The following CD37 variants were observed in gnomAD, a reference collection of about 807,000 sequenced individuals.
CD37 encodes CD37 molecule.
In CD37, 37 loss-of-function variants were observed where a neutral mutation model predicts 38.9. That is an observed-to-expected ratio of 0.95 (90% confidence interval 0.73 to 1.25). CD37 has a LOEUF of 1.25. CD37 is among the 50% of genes most tolerant of loss of function. The pLI is 0.00. For missense variants in CD37, 351 were observed against 360.1 expected, an observed-to-expected ratio of 0.97 and a Z score of 0.20; for synonymous variants, 146 against 150.1, an observed-to-expected ratio of 0.97 and a Z score of 0.20.
chr19:49,339,104 G>C lies in CD37; in HGVS notation c.684+168G>C, dbSNP rs1971084522. On this transcript the variant is annotated intron_variant, in intron 6 of 7. Transcript: ENST00000323906. This position sits in a 1 kb window ranked among gnomAD's most constrained non-coding sequence, Gnocchi z 4.5. ...GGGGGCGGGGTCTGCAGGAAGGGCAGGGCCTAAAGAAAAGGCTGGGCTGGC... is the reference window on the plus strand; with the variant it reads ...GGGGGCGGGGTCTGCAGGAAGGGCACGGCCTAAAGAAAAGGCTGGGCTGGC... 6.6e-6 allele frequency among the ~76,000 whole-genome samples: 1 copy of C among 152,228 alleles called. No homozygotes were observed. The highest frequency in any genetic ancestry group is 3.4e-3 in the Middle Eastern group (1 of 294).
Position 49,339,563 on chromosome 19 carries a change from G to C in CD37, c.768+150G>C. On this transcript the variant is annotated intron_variant, in intron 7 of 7. Transcript: ENST00000323906. The surrounding 1 kb of genome is among the most constrained non-coding windows in gnomAD (Gnocchi z 4.5). ...TCCCGCCGCTCCACCCAGCACCGGA[G>C]GGTGGGGGCGGCCCAGCTTCAGGGA... 1 of 1,464,530 alleles carries C rather than the reference G, an allele frequency of 6.8e-7. No homozygotes were observed. The highest frequency in any genetic ancestry group is 9.0e-7 in the Non-Finnish European group (1 of 1,107,776). The allele number at this position is 1,464,530 out of a possible 1,614,324, so 90.7% of individuals were successfully genotyped here.
chr19:49,340,153 T>TAAA, intron 7 of CD37, 98 bp from the exon 8 acceptor site: 1 of 1,510,138 alleles, frequency 6.6e-7, no homozygotes, highest in Non-Finnish European at 9.1e-7. Flanking sequence ...CCCGCCCAAT[T>TAAA]CACGGCCCCA....
rs775337793 is a variant in CD37 at position 49,339,499 on chromosome 19, A to T, written c.768+86A>T. ...ATTTCGCGTCCTTCGGTTGCCTGGGAAGGACGAGCTCAGGGCGGAGCGCAG... is the reference window on the plus strand; with the variant it reads ...ATTTCGCGTCCTTCGGTTGCCTGGGTAGGACGAGCTCAGGGCGGAGCGCAG... On this transcript the variant is annotated intron_variant, in intron 7 of 7. Transcript: ENST00000323906. This position sits in a 1 kb window ranked among gnomAD's most constrained non-coding sequence, Gnocchi z 4.5. 11 of 1,536,614 alleles carry T rather than the reference A, an allele frequency of 7.2e-6. No individual in the cohort carries two copies. The highest frequency in any genetic ancestry group is 9.8e-6 in the Non-Finnish European group (11 of 1,124,116).
In CD37 at chr19:49,338,215, G is replaced by A. The variant is rs930547800; in HGVS notation, c.447+186G>A. ...GTCCCCGGCGTCGCCTGGTCTCCCAGTACCCAGACCCTGGCGTGGCTTCGC... is the reference window on the plus strand; with the variant it reads ...GTCCCCGGCGTCGCCTGGTCTCCCAATACCCAGACCCTGGCGTGGCTTCGC... On this transcript the variant is annotated intron_variant, in intron 5 of 7. Transcript: ENST00000323906. This position sits in a 1 kb window ranked among gnomAD's most constrained non-coding sequence, Gnocchi z 5.0. The A allele has an allele frequency of 1.6e-5, 23 of 1,432,506 alleles. No homozygotes were observed. The African/African-American group carries it at 3.0e-4, about 19-fold the overall frequency. The allele number at this position is 1,432,506 out of a possible 1,614,324, so 88.7% of individuals were successfully genotyped here. A position where few individuals can be genotyped will look rare whatever the true frequency, so the allele number is the denominator to read the frequency against.
At chr19:49,337,784 TGAA>T in intron 4 of CD37, 138 bp from the exon 5 acceptor site, 1 of 1,544,046 alleles carries the variant, frequency 6.5e-7, no homozygotes, top group South Asian at 1.2e-5. Context: ...AAGACAGACC[TGAA>T]GTACACAGAG....
chr19:49,339,009 T>C lies in CD37; in HGVS notation c.684+73T>C, dbSNP rs1052376502. On this transcript the variant is annotated intron_variant, in intron 6 of 7. Transcript: ENST00000323906. The surrounding 1 kb of genome is among the most constrained non-coding windows in gnomAD (Gnocchi z 4.5). Reference sequence around the variant, plus strand: ...CGGGAGGGGGAGGGCTGTCAGTGAGTAGCGGCCTGAGAAAGGGCGGGGTCT... The same window carrying C: ...CGGGAGGGGGAGGGCTGTCAGTGAGCAGCGGCCTGAGAAAGGGCGGGGTCT... 2.7e-5 allele frequency: 33 copies of C among 1,216,742 alleles called. No homozygotes were observed. The highest frequency in any genetic ancestry group is 2.3e-4 in the Middle Eastern group (1 of 4,342). 75.4% of individuals were successfully genotyped at this position (1,216,742 alleles called of 1,614,324 possible).
rs148377762 is a variant in CD37, at chr19:49,339,014, G to A, written c.684+78G>A. On this transcript the variant is annotated intron_variant, in intron 6 of 7. Coordinates refer to ENST00000323906, the MANE Select transcript of CD37 (RefSeq NM_001774.3). The surrounding 1 kb of genome is among the most constrained non-coding windows in gnomAD (Gnocchi z 4.5). ...GGGGGAGGGCTGTCAGTGAGTAGCG[G>A]CCTGAGAAAGGGCGGGGTCTACGAG... 3,631 of 1,165,062 alleles carry A rather than the reference G, an allele frequency of 3.1e-3. 30 individuals carry two copies. In the East Asian group the frequency reaches 0.034, roughly 11 times the overall value. 72.2% of individuals were successfully genotyped at this position (1,165,062 alleles called of 1,614,324 possible). A position where few individuals can be genotyped will look rare whatever the true frequency, so the allele number is the denominator to read the frequency against.
intron 2 of CD37, chr19:49,336,037 GCCCCCACAAACCT>G: frequency 3.7e-6 from 2 of 545,320 alleles, no homozygotes; most frequent in Non-Finnish European, 6.5e-6. Flanking sequence ...CTGGTCAGAT[GCCCCCACAAACCT>G]TCCCCTCGCT....
intron 4 of CD37, chr19:49,337,530 G>A (rs1971002355): frequency 1.2e-6 from 1 of 848,380 alleles, no homozygotes. Flanking sequence ...GTCGAGGTGG[G>A]AGGATCACTT....
In CD37 at chr19:49,339,287, A is replaced by C. The variant is rs769106790; in HGVS notation, c.685-43A>C. The C allele has an allele frequency of 2.6e-6, 4 of 1,552,660 alleles. No individual in the cohort carries two copies. The highest frequency in any genetic ancestry group is 3.6e-6 in the Non-Finnish European group (4 of 1,126,480). ...AAAGAACGCTGGGCCTGGGCTTGAG[A>C]GTCCCAGAAAGAATCCCTTTAACTT... On this transcript the variant is annotated intron_variant, in intron 6 of 7. Coordinates refer to ENST00000323906, the MANE Select transcript of CD37 (RefSeq NM_001774.3). The surrounding 1 kb of genome is among the most constrained non-coding windows in gnomAD (Gnocchi z 4.5).
At chr19:49,337,709 A>C (rs2146212224) in intron 4 of CD37, 1 of 1,533,910 alleles carries the variant, frequency 6.5e-7, no homozygotes, top group Non-Finnish European at 8.7e-7. Context: ...AACAAGAGAA[A>C]GAAATAGACG....
In CD37 at chr19:49,338,118, C is replaced by T; in HGVS notation, c.447+89C>T. 2 of 1,529,826 alleles carry T rather than the reference C, an allele frequency of 1.3e-6. No individual in the cohort carries two copies. Among genetic ancestry groups the T allele is most frequent in the Admixed American group, 2.1e-5 (1 of 48,344 alleles). The allele number at this position is 1,529,826 out of a possible 1,614,324, so 94.8% of individuals were successfully genotyped here. A position where few individuals can be genotyped will look rare whatever the true frequency, so the allele number is the denominator to read the frequency against. ...CTCCACCCCAACGTGGGCCCGACCC[C>T]CAGCTCTACGATCCTAACACACCCC... On this transcript the variant is annotated intron_variant, in intron 5 of 7. Coordinates refer to ENST00000323906, the MANE Select transcript of CD37 (RefSeq NM_001774.3). This position sits in a 1 kb window ranked among gnomAD's most constrained non-coding sequence, Gnocchi z 5.0.
rs1971048735 is a variant in CD37, at chr19:49,338,608, C to G, written c.448-92C>G. The G allele has an allele frequency of 1.2e-5, 11 of 927,340 alleles. No individual in the cohort carries two copies. Among genetic ancestry groups the G allele is most frequent in the Non-Finnish European group, 1.7e-6 (1 of 579,900 alleles). The allele number at this position is 927,340 out of a possible 1,614,324, so 57.4% of individuals were successfully genotyped here. A position where few individuals can be genotyped will look rare whatever the true frequency, so the allele number is the denominator to read the frequency against. ...CACCCACCACTTAGTCCCCTGCTCC[C>G]CGACCTGACCTCATACCCATCACCT... On this transcript the variant is annotated intron_variant, in intron 5 of 7. Transcript: ENST00000323906. This position sits in a 1 kb window ranked among gnomAD's most constrained non-coding sequence, Gnocchi z 5.0.
Position 49,339,792 on chromosome 19 carries a change from C to T in CD37, c.768+379C>T. 7.4e-7 allele frequency: 1 copy of T among 1,359,756 alleles called. No homozygotes were observed. The highest frequency in any genetic ancestry group is 9.5e-7 in the Non-Finnish European group (1 of 1,056,076). 84.2% of individuals were successfully genotyped at this position (1,359,756 alleles called of 1,614,324 possible). ...CTGACGGCGGCGGCGGGCACAGCGG[C>T]AGTCTGTGGGGTGGCTGGGGCATGG... On this transcript the variant is annotated intron_variant, in intron 7 of 7. Transcript: ENST00000323906. The surrounding 1 kb of genome is among the most constrained non-coding windows in gnomAD (Gnocchi z 4.5).
intron 4 of CD37, 82 bp downstream of exon 4, chr19:49,337,303 G>T (rs757733819): frequency 2.2e-6 from 3 of 1,358,730 alleles, no homozygotes; most frequent in South Asian, 2.3e-5. Context: ...GAGAGAGACC[G>T]AAACAAGGGC....
In CD37 at chr19:49,340,254, G is replaced by T. The variant is rs1303558072; in HGVS notation, c.772G>T (p.Gly258Trp). 3 of 1,612,828 alleles carry T rather than the reference G, an allele frequency of 1.9e-6. No individual in the cohort carries two copies. The African/African-American group carries it at 4.0e-5, about 22-fold the overall frequency. The change falls in exon 8 of 8, where the codon GGG becomes TGG. Residue 258 changes from glycine (G) to tryptophan (W), a missense_variant. Transcript: ENST00000323906. ...ACCTCATCTCCTTTCTCTATAGCTC[G>T]GGTTCATGACGCTCTCGATATTCCT... ...ICLGVGLLEL[G>W]FMTLSIFLCR...
rs1971040811 is a variant in CD37 at position 49,338,358 on chromosome 19, G to A, written c.447+329G>A. On this transcript the variant is annotated intron_variant, in intron 5 of 7. Coordinates refer to ENST00000323906, the MANE Select transcript of CD37 (RefSeq NM_001774.3). The surrounding 1 kb of genome is among the most constrained non-coding windows in gnomAD (Gnocchi z 5.0). ...CCCCGTAGTGACTCTGGCTTCCACC[G>A]GACCCCGCCCCCGATGAGACTCACA... is the stretch of plus-strand genomic sequence containing the variant. 7.1e-6 allele frequency among the ~76,000 whole-genome samples: 1 copy of A among 141,438 alleles called. No individual in the cohort carries two copies. Among genetic ancestry groups the A allele is most frequent in the Admixed American group, 7.4e-5 (1 of 13,432 alleles). 92.8% of individuals were successfully genotyped at this position (141,438 alleles called of 152,430 possible).
rs1462104430 is a variant in CD37 at position 49,338,151 on chromosome 19, C to T, written c.447+122C>T. Reference sequence around the variant, plus strand: ...ACGATCCTAACACACCCCAATCCCTCCCAGGCCCGACGCTCCCCACTCCCC... The same window carrying T: ...ACGATCCTAACACACCCCAATCCCTTCCAGGCCCGACGCTCCCCACTCCCC... On this transcript the variant is annotated intron_variant, in intron 5 of 7. Coordinates refer to ENST00000323906, the MANE Select transcript of CD37 (RefSeq NM_001774.3). The surrounding 1 kb of genome is among the most constrained non-coding windows in gnomAD (Gnocchi z 5.0). 6.8e-7 allele frequency: 1 copy of T among 1,466,506 alleles called. No homozygotes were observed. The highest frequency in any genetic ancestry group is 9.0e-7 in the Non-Finnish European group (1 of 1,109,530). The allele number at this position is 1,466,506 out of a possible 1,614,324, so 90.8% of individuals were successfully genotyped here. A position where few individuals can be genotyped will look rare whatever the true frequency, so the allele number is the denominator to read the frequency against.
chr19:49,339,416 G>T lies in CD37; in HGVS notation c.768+3G>T. 1.2e-6 allele frequency: 2 copies of T among 1,613,254 alleles called. No individual in the cohort carries two copies. Among genetic ancestry groups the T allele is most frequent in the Non-Finnish European group, 1.7e-6 (2 of 1,179,484 alleles). On this transcript the variant is annotated splice_donor_region_variant and intron_variant, in intron 7 of 7. Transcript: ENST00000323906. This position sits in a 1 kb window ranked among gnomAD's most constrained non-coding sequence, Gnocchi z 4.5. Reference sequence around the variant, plus strand: ...GCCTGGGCGTCGGCCTACTCGAGGTGATCTGGCCCCGCCCCCACCCGCGAT... The same window carrying T: ...GCCTGGGCGTCGGCCTACTCGAGGTTATCTGGCCCCGCCCCCACCCGCGAT...
Sources: gnomAD v4.1 joint callset for allele counts (sites outside exome capture counted in the v4.1 genomes callset) on GRCh38, gnomAD v4.1.1 for gene constraint, Gnocchi (gnomAD v3.1) non-coding constraint, MANE v1.5 for transcripts, NCBI Gene and HGNC (gene_info 2026-07-23, HGNC 2026-07-21) for gene names.